The following DUX4 variants were observed in gnomAD, a reference collection of about 807,000 sequenced individuals.
DUX4 encodes double homeobox protein 4.
At chr4:190,179,575 A>G (rs1579835687), downstream of DUX4, among the ~76,000 whole-genome samples, 2 of 152,344 alleles carry the variant, frequency 1.3e-5, no homozygotes, top group South Asian at 2.1e-4. Context: ...GTGATATGTC[A>G]CAATGCTGTG....
At chr4:190,177,101 G>C (rs1742341654), downstream of DUX4, among the ~76,000 whole-genome samples, 7 of 144,866 alleles carry the variant, frequency 4.8e-5, no homozygotes, top group South Asian at 2.3e-4. Context: ...TGGGTGATCA[G>C]TGCAGAGATA....
intron 1 of DUX4, chr4:190,182,222 G>T: frequency 7.5e-6 from 1 of 133,222 alleles, no homozygotes. Flanking sequence ...GTGAGGGTCA[G>T]GGTGAGGGTG....
At chr4:190,177,354 G>A (rs1236481772), downstream of DUX4, among the ~76,000 whole-genome samples, 91 of 74,936 alleles carry the variant, frequency 1.2e-3, no homozygotes, top group Non-Finnish European at 1.6e-3. Flanking sequence ...CTAGACAAGA[G>A]TTACATCACC....
intron 1 of DUX4, among the ~76,000 whole-genome samples, chr4:190,182,919 G>GTTAGGC (rs1203403084): frequency 3.9e-5 from 1 of 25,808 alleles, no homozygotes; most frequent in African/African-American, 7.7e-5. Flanking sequence ...AGGGTTAGGG[G>GTTAGGC]TTAGGCTTAG....
chr4:190,181,597 CCTGGGTGATCAGTGCAGAGATATGTCAG>C (rs1742584945), intron 1 of DUX4, among the ~76,000 whole-genome samples: 1 of 69,970 alleles, frequency 1.4e-5, no homozygotes, highest in South Asian at 4.0e-4. Context: ...CGTTACATCA[CCTGGGTGATCAGTGCAGAGATATGTCAG>C]AAAGCCCCCT....
chr4:190,182,338 G>C (rs1742611370), intron 1 of DUX4, among the ~76,000 whole-genome samples: 1 of 98,292 alleles, frequency 1.0e-5, no homozygotes, highest in East Asian at 2.9e-4. Flanking sequence ...TTAGGGTTCA[G>C]GTTCAAGTTT....
chr4:190,177,870 A>AGCCCGC (rs1742391913), downstream of DUX4, among the ~76,000 whole-genome samples: 1 of 145,356 alleles, frequency 6.9e-6, no homozygotes. Flanking sequence ...ATATGTCACA[A>AGCCCGC]TGTCCCTGTA....
Position 190,174,472 on chromosome 4 carries a change from C to CGT in DUX4, c.699_700insGT (p.Pro234ValfsTer159). 1 of 468,258 alleles carries CGT rather than the reference C, an allele frequency of 2.1e-6. No homozygotes were observed. Among genetic ancestry groups the CGT allele is most frequent in the Non-Finnish European group, 3.7e-6 (1 of 269,852 alleles). The allele number at this position is 468,258 out of a possible 1,614,324, so 29.0% of individuals were successfully genotyped here. A position where few individuals can be genotyped will look rare whatever the true frequency, so the allele number is the denominator to read the frequency against. ...CGGCAGAGGGGATCTCCCAACCTGC[C>CGT]CCGGCGCGCGGGGATTTCGCCTACG... On this transcript the variant is annotated frameshift_variant, in exon 1 of 2. Transcript: ENST00000565211. LOFTEE classifies it high-confidence loss of function.
intron 1 of DUX4, among the ~76,000 whole-genome samples, chr4:190,183,063 AG>A (rs1193484468): frequency 4.0e-4 from 15 of 37,338 alleles, no homozygotes; most frequent in Admixed American, 1.0e-3. Context: ...GGGCTGGGTT[AG>A]GTTTAGGGTT....
At chr4:190,185,281 TTTG>T (rs1466678872) in intron 1 of DUX4, 2 of 35,790 alleles carry the variant, frequency 5.6e-5, no homozygotes, top group African/African-American at 1.2e-4. Context: ...CTGTGGGGTT[TTTG>T]TTGTTGTTGT....
chr4:190,176,368 C>T (rs1381841752), downstream of DUX4, among the ~76,000 whole-genome samples: 2 of 91,812 alleles, frequency 2.2e-5, 1 homozygote, highest in Non-Finnish European at 5.1e-5. Flanking sequence ...TGTGTCAAAA[C>T]GCTCCTGTAG....
chr4:190,176,326 G>A (rs1173224645), downstream of DUX4, among the ~76,000 whole-genome samples: 2 of 112,334 alleles, frequency 1.8e-5, 1 homozygote, highest in Non-Finnish European at 4.2e-5. Flanking sequence ...GCTTAGACAA[G>A]TGTTACATCA....
chr4:190,176,778 T>G (rs1175729117), downstream of DUX4, among the ~76,000 whole-genome samples: 373 of 97,296 alleles, frequency 3.8e-3, no homozygotes, highest in Admixed American at 5.2e-3. Context: ...TGTACCAGTG[T>G]CCCCTGTAGG....
At chr4:190,177,798 A>G (rs1742386756), downstream of DUX4, among the ~76,000 whole-genome samples, 167 of 142,294 alleles carry the variant, frequency 1.2e-3, no homozygotes, top group Middle Eastern at 7.5e-3. Context: ...GAGTTATGTC[A>G]CAATGCCCCC....
chr4:190,177,775 G>C (rs1579833288), downstream of DUX4, among the ~76,000 whole-genome samples: 34 of 146,410 alleles, frequency 2.3e-4, no homozygotes, highest in South Asian at 6.4e-4. Context: ...CCATCACCTG[G>C]GTGATCAGTG....
intron 1 of DUX4, among the ~76,000 whole-genome samples, chr4:190,181,124 GAGTGAT>G (rs1742546899): frequency 6.7e-6 from 1 of 148,242 alleles, no homozygotes; most frequent in Non-Finnish European, 1.5e-5. Flanking sequence ...TACATCACCT[GAGTGAT>G]CAGTGCAGAG....
At chr4:190,178,835 C>T (rs1579834774), downstream of DUX4, among the ~76,000 whole-genome samples, 65 of 149,360 alleles carry the variant, frequency 4.4e-4, no homozygotes, top group African/African-American at 1.4e-3. Context: ...CACAATTCCC[C>T]TGTAGGCAGA....
At chr4:190,176,174 G>A, downstream of DUX4, among the ~76,000 whole-genome samples, 2 of 112,300 alleles carry the variant, frequency 1.8e-5, 1 homozygote, top group Non-Finnish European at 4.2e-5. Context: ...GCCCCTATAA[G>A]CCAAACCTTG....
downstream of DUX4, among the ~76,000 whole-genome samples, chr4:190,179,794 C>CCGTGCAGAGTTTTTT (rs1742512944): frequency 1.7e-4 from 1 of 5,886 alleles, no homozygotes; most frequent in African/African-American, 8.0e-4. Flanking sequence ...CCCCTGTAGG[C>CCGTGCAGAGTTTTTT]AAGCCTACAC....
Sources: gnomAD v4.1 joint callset for allele counts (sites outside exome capture counted in the v4.1 genomes callset) on GRCh38, gnomAD v4.1.1 for gene constraint, MANE v1.5 for transcripts, NCBI Gene and HGNC (gene_info 2026-07-23, HGNC 2026-07-21) for gene names.